The following RIN3 variants were observed in gnomAD, a reference collection of about 807,000 sequenced individuals.
RIN3 encodes Ras and Rab interactor 3, also known as RAB5 interacting protein 3.
Under a neutral mutation model 76.3 loss-of-function variants are expected in RIN3, and 54 were observed. The observed-to-expected ratio is 0.71, with a 90% CI of 0.57 to 0.89. The LOEUF is 0.89. RIN3 is among the 40% of genes least tolerant of loss of function. The pLI, the probability that RIN3 is intolerant of heterozygous loss-of-function variation, is 0.00. For missense variants in RIN3, 1,256 were observed against 1,322.1 expected (o/e 0.95, Z 0.78); for synonymous variants, 576 against 564.0 (o/e 1.02, Z -0.30).
chr14:92,684,531 A>G (rs1186662903), intron 8 of RIN3, among the ~76,000 whole-genome samples: 1 of 152,080 alleles, frequency 6.6e-6, no homozygotes, highest in East Asian at 1.9e-4. Flanking sequence ...AATGTGTATC[A>G]CTTTCACACC....
At chr14:92,520,181 T>C (rs1896557355) in intron 1 of RIN3, among the ~76,000 whole-genome samples, 1 of 152,276 alleles carries the variant, frequency 6.6e-6, no homozygotes, top group South Asian at 2.1e-4. Flanking sequence ...GTTCTCTTTT[T>C]AGCAGAAATG....
At position 92,656,232 on chromosome 14, in the gene RIN3, C is replaced by T. The variant is rs8013795; in HGVS notation, c.2027-2929C>T. On this transcript the variant is annotated intron_variant, in intron 6 of 9. Transcript: ENST00000216487. This position sits in a 1 kb window ranked among gnomAD's most constrained non-coding sequence, Gnocchi z 5.2. ...AAGGGTAGTGGAAGGACTTTCCTTC[C>T]GGAAAGGGATGACAGCGTGGACAAA... Among the ~76,000 whole-genome samples, 150,635 of 152,274 alleles carry T rather than the reference C, an allele frequency of 0.99. 74,528 individuals carry two copies. Among genetic ancestry groups the T allele is most frequent in the Middle Eastern group, 1 (294 of 294 alleles).
chr14:92,562,619 C>G (rs1029124491), intron 2 of RIN3, among the ~76,000 whole-genome samples: 1 of 152,294 alleles, frequency 6.6e-6, no homozygotes, highest in Admixed American at 6.5e-5. Flanking sequence ...TTTGGCCCCT[C>G]GAGTCCTTCA....
At chr14:92,590,756 GA>G (rs1884951187) in intron 3 of RIN3, among the ~76,000 whole-genome samples, 2 of 152,122 alleles carry the variant, frequency 1.3e-5, no homozygotes, top group Non-Finnish European at 2.9e-5. Context: ...CTTAAAGGAG[GA>G]AAAAACTGAG....
chr14:92,671,324 A>AG (rs1222445961), intron 7 of RIN3, among the ~76,000 whole-genome samples: 1 of 146,010 alleles, frequency 6.8e-6, no homozygotes, highest in African/African-American at 2.5e-5. Flanking sequence ...GGGTCCCAGG[A>AG]GGGGGGGAAC....
chr14:92,553,048 AT>A lies in RIN3; in HGVS notation c.45-2702del, dbSNP rs1382588079. ...AGGTAAAAAAAAAAAAAAAAAAAAA[AT>A]GGGGATGAGCCCAGGTCACACCTAG... On this transcript the variant is annotated intron_variant, in intron 1 of 9. Coordinates refer to ENST00000216487, the MANE Select transcript of RIN3 (RefSeq NM_024832.5). Among the ~76,000 whole-genome samples, 331 of 126,628 alleles carry A rather than the reference AT, an allele frequency of 2.6e-3. 2 individuals carry two copies. The highest frequency in any genetic ancestry group is 9.0e-3 in the African/African-American group (305 of 33,820). The allele number at this position is 126,628 out of a possible 152,430, so 83.1% of individuals were successfully genotyped here. A position where few individuals can be genotyped will look rare whatever the true frequency, so the allele number is the denominator to read the frequency against.
intron 7 of RIN3, among the ~76,000 whole-genome samples, chr14:92,661,892 G>C (rs1253819774): frequency 6.6e-6 from 1 of 152,244 alleles, no homozygotes; most frequent in Non-Finnish European, 1.5e-5. Context: ...TGAAGGGTTT[G>C]TTTTCACAGA....
intron 1 of RIN3, among the ~76,000 whole-genome samples, chr14:92,525,893 G>A (rs986823450): frequency 2.0e-5 from 3 of 152,128 alleles, no homozygotes; most frequent in African/African-American, 7.2e-5. Context: ...ATGGAGTGCC[G>A]GGGGTCCCTG....
At chr14:92,580,429 C>T (rs1186635724) in intron 3 of RIN3, among the ~76,000 whole-genome samples, 1 of 152,222 alleles carries the variant, frequency 6.6e-6, no homozygotes, top group African/African-American at 2.4e-5. Flanking sequence ...ATGGAGTGCC[C>T]ACTCTGTGCC....
intron 6 of RIN3, among the ~76,000 whole-genome samples, chr14:92,655,280 G>A (rs990517833): frequency 8.7e-5 from 13 of 148,898 alleles, no homozygotes; most frequent in East Asian, 3.9e-4. Flanking sequence ...TCCAGGAGGC[G>A]GAGATTGCAG....
rs910663447 is a variant in RIN3 at position 92,681,875 on chromosome 14, C to A, written c.2468-3112C>A. ...TTAATTTAGTTTTTTCAAAAAATGTCTCTTATTTATTTTTATTTTTTTTTA... is the reference window on the plus strand; with the variant it reads ...TTAATTTAGTTTTTTCAAAAAATGTATCTTATTTATTTTTATTTTTTTTTA... On this transcript the variant is annotated intron_variant, in intron 8 of 9. Transcript: ENST00000216487. The surrounding 1 kb of genome is among the most constrained non-coding windows in gnomAD (Gnocchi z 4.7). 6.6e-6 allele frequency among the ~76,000 whole-genome samples: 1 copy of A among 151,858 alleles called. No homozygotes were observed. The highest frequency in any genetic ancestry group is 1.5e-5 in the Non-Finnish European group (1 of 67,982).
At chr14:92,676,373 C>T (rs1888461503) in intron 7 of RIN3, 102 bp from the exon 8 acceptor site, 11 of 1,331,966 alleles carry the variant, frequency 8.3e-6, no homozygotes, top group Admixed American at 1.9e-5. Flanking sequence ...TTCCAGGGAT[C>T]GCCATCCACA....
intron 5 of RIN3, among the ~76,000 whole-genome samples, chr14:92,650,315 T>C (rs1887366358): frequency 6.6e-6 from 1 of 152,048 alleles, no homozygotes; most frequent in Non-Finnish European, 1.5e-5. Flanking sequence ...ACAGGGCGAG[T>C]GCTTTCATGT....
rs115160983 is a variant in RIN3, at chr14:92,593,472, G to A, written c.367+15995G>A. Among the ~76,000 whole-genome samples, 590 of 151,366 alleles carry A rather than the reference G, an allele frequency of 3.9e-3. 7 individuals carry two copies. Among genetic ancestry groups the A allele is most frequent in the African/African-American group, 0.013 (551 of 41,214 alleles). Reference sequence around the variant, plus strand: ...CATATAGATTAACAGTAAATGGATGGAGAAAGGTATACCATGCTAACACTA... The same window carrying A: ...CATATAGATTAACAGTAAATGGATGAAGAAAGGTATACCATGCTAACACTA... On this transcript the variant is annotated intron_variant, in intron 3 of 9. Transcript: ENST00000216487.
Position 92,612,108 on chromosome 14 carries a change from G to T in RIN3, c.368-3299G>T, listed in dbSNP as rs373114209. ...CCATGATCCCATCACCTCCCACCAG[G>T]CCCCACCTCCAACACTGGGGATTAC... On this transcript the variant is annotated intron_variant, in intron 3 of 9. Transcript: ENST00000216487. 1.9e-4 allele frequency among the ~76,000 whole-genome samples: 29 copies of T among 152,238 alleles called. No homozygotes were observed. The South Asian group carries it at 6.0e-3, about 32-fold the overall frequency.
At chr14:92,620,106 A>G (rs1457468692) in intron 4 of RIN3, among the ~76,000 whole-genome samples, 1 of 152,250 alleles carries the variant, frequency 6.6e-6, no homozygotes, top group Non-Finnish European at 1.5e-5. Flanking sequence ...TATTATTATT[A>G]AACCAATTAA....
At chr14:92,596,616 C>T (rs781569934) in intron 3 of RIN3, among the ~76,000 whole-genome samples, 1 of 152,162 alleles carries the variant, frequency 6.6e-6, no homozygotes, top group Non-Finnish European at 1.5e-5. Context: ...CTTATCCGTT[C>T]CTCTTTTAGC....
intron 1 of RIN3, among the ~76,000 whole-genome samples, chr14:92,537,021 A>G (rs1897017667): frequency 6.6e-6 from 1 of 151,154 alleles, no homozygotes; most frequent in Non-Finnish European, 1.5e-5. Flanking sequence ...TATATATATA[A>G]TGAAAAAGAT....
chr14:92,688,210 G>A lies in RIN3; in HGVS notation c.2916G>A (p.Gly972=), dbSNP rs1351691471. The A allele has an allele frequency of 6.3e-7, 1 of 1,589,502 alleles. No individual in the cohort carries two copies. Among genetic ancestry groups the A allele is most frequent in the Non-Finnish European group, 8.6e-7 (1 of 1,168,516 alleles). ...PLDGGGGGGG[G]SPPCLVVREP... is the part of the protein sequence containing the mutation. ...ACGGTGGTGGCGGCGGCGGCGGCGG[G>A]AGCCCGCCCTGCCTGGTGGTGCGGG... Residue 972 remains glycine (G), a synonymous_variant, in exon 10 of 10, where the codon GGG becomes GGA. Coordinates refer to ENST00000216487, the MANE Select transcript of RIN3 (RefSeq NM_024832.5).
Sources: allele counts gnomAD v4.1 joint callset (sites outside exome capture counted in the v4.1 genomes callset), GRCh38; gene constraint gnomAD v4.1.1; non-coding constraint Gnocchi (gnomAD v3.1); transcripts MANE v1.5; gene names NCBI Gene and HGNC (gene_info 2026-07-23, HGNC 2026-07-21).